Variants in CYP7B1 observed in about 807,000 individuals in gnomAD.
CYP7B1 encodes the protein cytochrome P450 family 7 subfamily B member 1.
A neutral mutation model predicts 42.7 loss-of-function variants in CYP7B1; 29 were observed. That is an observed-to-expected ratio of 0.68 (90% CI 0.51 to 0.93). The LOEUF (loss-of-function observed/expected upper bound fraction) is 0.93. Among genes scored for constraint, CYP7B1 ranks in the 40% least tolerant of loss-of-function variants. The probability of loss-of-function intolerance (pLI) is 0.00; values close to 1 mark genes in which losing one functional copy is unlikely to be tolerated. For synonymous variants in CYP7B1, 235 were observed against 218.2 expected (o/e 1.08, Z -0.68); for missense variants, 655 against 600.5 (o/e 1.09, Z -0.95).
chr8:64,604,697 G>A lies in CYP7B1; in HGVS notation c.1218C>T (p.Ile406=), dbSNP rs772742485. The change falls in exon 5 of 6, where the codon ATC becomes ATT. Residue 406 remains isoleucine, a synonymous_variant. Coordinates refer to ENST00000310193, the MANE Select transcript of CYP7B1 (RefSeq NM_004820.5). The part of the protein sequence containing the change: ...FPPVLHGDPE[I]FEAPEEFRYD... ...GTTTACTTACCTCTGGAGCTTCAAA[G>A]ATTTCAGGGTCACCATGTAGGACTG... 9.9e-6 allele frequency: 16 copies of A among 1,614,132 alleles called. No individual in the cohort carries two copies. The East Asian group carries it at 3.3e-4, about 34-fold the overall frequency.
intron 1 of CYP7B1, among the ~76,000 whole-genome samples, chr8:64,711,587 G>A (rs925692987): frequency 1.3e-5 from 2 of 152,194 alleles, no homozygotes; most frequent in Admixed American, 6.5e-5. Context: ...TGACCCTTCT[G>A]ATCTGTGTCT....
At chr8:64,754,246 G>A (rs1807774124) in intron 1 of CYP7B1, among the ~76,000 whole-genome samples, 1 of 152,176 alleles carries the variant, frequency 6.6e-6, no homozygotes, top group African/African-American at 2.4e-5. Context: ...ACAGGAGAGT[G>A]GTACGCATGA....
chr8:64,673,442 T>G (rs1203359372), intron 1 of CYP7B1, among the ~76,000 whole-genome samples: 3 of 152,086 alleles, frequency 2.0e-5, no homozygotes, highest in Non-Finnish European at 4.4e-5. Flanking sequence ...TAGCTTATGC[T>G]CCCCTGCTCT....
intron 1 of CYP7B1, chr8:64,727,955 A>G (rs1268994480): frequency 4.6e-5 from 7 of 152,226 alleles, no homozygotes; most frequent in Non-Finnish European, 7.3e-5. Context: ...TTTCATTACC[A>G]TCATTATCTC....
chr8:64,770,404 GATGGAA>G (rs1804202698), intron 1 of CYP7B1, among the ~76,000 whole-genome samples: 1 of 152,200 alleles, frequency 6.6e-6, no homozygotes, highest in Non-Finnish European at 1.5e-5. Flanking sequence ...GCTGAGATAT[GATGGAA>G]ATGGAACTCA....
chr8:64,713,284 A>T (rs1418609243), intron 1 of CYP7B1, among the ~76,000 whole-genome samples: 1 of 152,176 alleles, frequency 6.6e-6, no homozygotes, highest in African/African-American at 2.4e-5. Context: ...AATATGACAA[A>T]ATCCATCATC....
At chr8:64,782,397 C>T (rs2129684560) in intron 1 of CYP7B1, among the ~76,000 whole-genome samples, 1 of 152,292 alleles carries the variant, frequency 6.6e-6, no homozygotes, top group Admixed American at 6.5e-5. Context: ...CCTTCCTCCA[C>T]ATGAGGGCAC....
chr8:64,701,285 T>A (rs2129632448), intron 1 of CYP7B1, among the ~76,000 whole-genome samples: 1 of 152,078 alleles, frequency 6.6e-6, no homozygotes, highest in East Asian at 1.9e-4. Context: ...TTCACCCAAA[T>A]GGCAATTTCA....
At position 64,596,725 on chromosome 8, in the gene CYP7B1, T is replaced by C. The variant is rs1185020031; in HGVS notation, c.1438A>G (p.Ile480Val). The change falls in exon 6 of 6, where the codon ATA becomes GTA. Residue 480 changes from isoleucine (I) to valine (V), a missense_variant. Transcript: ENST00000310193. ...AACAAGCGGCTGTAGTTTAGTCCTA[T>C]GGGCTTATCATCAATTATTTCTAAA... ...FDLEIIDDKP[I>V]GLNYSRLLFG... is the part of the protein sequence containing the mutation. The C allele has an allele frequency of 1.2e-6, 2 of 1,613,926 alleles. No individual in the cohort carries two copies. The highest frequency in any genetic ancestry group is 1.7e-5 in the Admixed American group (1 of 60,006).
chr8:64,682,911 T>C (rs1806561125), intron 1 of CYP7B1, among the ~76,000 whole-genome samples: 1 of 152,212 alleles, frequency 6.6e-6, no homozygotes, highest in Non-Finnish European at 1.5e-5. Flanking sequence ...AATGCTTCTT[T>C]CAGTGTTCTA....
At chr8:64,739,385 C>A (rs760248824) in intron 1 of CYP7B1, among the ~76,000 whole-genome samples, 1 of 152,104 alleles carries the variant, frequency 6.6e-6, no homozygotes, top group Non-Finnish European at 1.5e-5. Flanking sequence ...GAATTCCTAG[C>A]GAAGCTCAAG....
Position 64,739,491 on chromosome 8 carries a change from A to G in CYP7B1, c.122+58975T>C, listed in dbSNP as rs1585887460. ...CATTAAACACAGCCTAACACCTAGC[A>G]AGACTTCAATAAATTCTCTAACTAA... On this transcript the variant is annotated intron_variant, in intron 1 of 5. Coordinates refer to ENST00000310193, the MANE Select transcript of CYP7B1 (RefSeq NM_004820.5). 2.0e-5 allele frequency among the ~76,000 whole-genome samples: 3 copies of G among 152,346 alleles called. No individual in the cohort carries two copies. The East Asian group carries it at 5.8e-4, about 29-fold the overall frequency.
chr8:64,707,537 A>G (rs1807018394), intron 1 of CYP7B1, among the ~76,000 whole-genome samples: 1 of 152,164 alleles, frequency 6.6e-6, no homozygotes, highest in South Asian at 2.1e-4. Flanking sequence ...ACATGTAATC[A>G]AAAGCTAACC....
At chr8:64,747,836 T>A (rs1462709111) in intron 1 of CYP7B1, among the ~76,000 whole-genome samples, 1 of 152,144 alleles carries the variant, frequency 6.6e-6, no homozygotes, top group African/African-American at 2.4e-5. Flanking sequence ...ATTATTATTA[T>A]TATCATCACC....
chr8:64,616,807 T>C (rs546568453), intron 2 of CYP7B1, among the ~76,000 whole-genome samples: 18 of 152,336 alleles, frequency 1.2e-4, no homozygotes, highest in Non-Finnish European at 1.3e-4. Context: ...AATTCAACAC[T>C]GGCAAAAATC....
chr8:64,779,544 C>A (rs1213382707), intron 1 of CYP7B1, among the ~76,000 whole-genome samples: 1 of 152,098 alleles, frequency 6.6e-6, no homozygotes, highest in Non-Finnish European at 1.5e-5. Context: ...TACATTCTAG[C>A]CCTAAAGGAC....
At chr8:64,797,236 G>A (rs1192935571) in intron 1 of CYP7B1, among the ~76,000 whole-genome samples, 1 of 152,112 alleles carries the variant, frequency 6.6e-6, no homozygotes, top group Admixed American at 6.6e-5. Context: ...AACTGCCCTA[G>A]TCAGCTTGTC....
At chr8:64,664,225 G>A (rs1806242242) in intron 1 of CYP7B1, among the ~76,000 whole-genome samples, 1 of 152,122 alleles carries the variant, frequency 6.6e-6, no homozygotes, top group Non-Finnish European at 1.5e-5. Flanking sequence ...CAGTATTTGA[G>A]ATCAGACCTG....
intron 1 of CYP7B1, among the ~76,000 whole-genome samples, chr8:64,674,384 T>G (rs1806412056): frequency 6.6e-6 from 1 of 152,122 alleles, no homozygotes; most frequent in Non-Finnish European, 1.5e-5. Flanking sequence ...TAGAGGGGGA[T>G]TTCCTTGTCT....
Sources: allele counts gnomAD v4.1 joint callset (sites outside exome capture counted in the v4.1 genomes callset), GRCh38; gene constraint gnomAD v4.1.1; transcripts MANE v1.5; gene names NCBI Gene and HGNC (gene_info 2026-07-23, HGNC 2026-07-21).